Variants in OPLAH observed in about 807,000 individuals in gnomAD.
The protein encoded by OPLAH is 5-oxoprolinase.
Under a neutral mutation model 122.8 loss-of-function variants are expected in OPLAH, and 103 were observed. That is an observed-to-expected ratio of 0.84 (90% CI 0.71 to 0.99). The LOEUF is 0.99. OPLAH is among the 50% of genes least tolerant of loss of function. The probability of loss-of-function intolerance (pLI) is 0.00; values close to 1 mark genes in which losing one functional copy is unlikely to be tolerated. For synonymous variants in OPLAH, 875 were observed against 796.0 expected, an observed-to-expected ratio of 1.10 and a Z score of -1.67; for missense variants, 1,902 against 1,836.5, an observed-to-expected ratio of 1.04 and a Z score of -0.65.
intron 19 of OPLAH, 49 bp downstream of exon 19, chr8:144,054,512 C>G: frequency 6.6e-7 from 1 of 1,512,852 alleles, no homozygotes; most frequent in Non-Finnish European, 8.9e-7. Flanking sequence ...CCAGCAGTGG[C>G]CATGTGTCCC....
intron 26 of OPLAH, 72 bp downstream of exon 26, chr8:144,051,657 T>G: frequency 7.6e-7 from 1 of 1,314,040 alleles, no homozygotes; most frequent in Non-Finnish European, 1.1e-6. Context: ...GGTCTGCAAC[T>G]GTTCCCCCTC....
At chr8:144,050,907 G>C, downstream of OPLAH, 1 of 1,003,404 alleles carries the variant, frequency 1.0e-6, no homozygotes, top group Non-Finnish European at 1.2e-6. Flanking sequence ...GCGCGCGGAG[G>C]GGCCCTGGCC....
downstream of OPLAH, chr8:144,051,083 G>A (rs1835361686): frequency 7.4e-7 from 1 of 1,360,000 alleles, no homozygotes; most frequent in Non-Finnish European, 9.4e-7. Context: ...TGCGGCACTG[G>A]GACGACCCTC....
Position 144,058,369 on chromosome 8 carries a change from G to A in OPLAH, c.819C>T (p.Gly273=). The part of the protein sequence containing the change: ...VQVLFMRSDG[G]LAPMDTFSGS... ...CGCTGAAGGTGTCCATGGGCGCCAG[G>A]CCGCCATCGGAGCGCATGAACAACA... The change falls in exon 7 of 27, where the codon GGC becomes GGT. Residue 273 remains glycine, a synonymous_variant. Coordinates refer to ENST00000618853, the MANE Select transcript of OPLAH (RefSeq NM_017570.5). The A allele has an allele frequency of 1.9e-6, 3 of 1,593,760 alleles. No individual in the cohort carries two copies. The highest frequency in any genetic ancestry group is 8.5e-7 in the Non-Finnish European group (1 of 1,173,768).
chr8:144,056,095 G>A (rs986827730), intron 15 of OPLAH, 52 bp downstream of exon 15: 5 of 1,559,170 alleles, frequency 3.2e-6, no homozygotes, highest in Admixed American at 1.7e-5. Flanking sequence ...TGCACCAGGG[G>A]CCCCGCAGTG....
Position 144,054,808 on chromosome 8 carries a change from T to TCA in OPLAH, c.2511+2_2511+3dup. 1 of 1,612,124 alleles carries TCA rather than the reference T, an allele frequency of 6.2e-7. No homozygotes were observed. Among genetic ancestry groups the TCA allele is most frequent in the Non-Finnish European group, 8.5e-7 (1 of 1,179,772 alleles). On this transcript the variant is annotated splice_donor_region_variant and intron_variant, in intron 18 of 26. Coordinates refer to ENST00000618853, the MANE Select transcript of OPLAH (RefSeq NM_017570.5). The stretch of plus-strand genomic sequence containing the variant: ...AGCAGAGGCAGGCGGGCAGCACCCC[T>TCA]CACCGGTGTGATAACAGTCAGGTCT...
downstream of OPLAH, chr8:144,050,645 G>C (rs995665069): frequency 1.0e-6 from 1 of 985,182 alleles, no homozygotes; most frequent in East Asian, 1.1e-4. Context: ...CGCTTGGGGG[G>C]AGGGTACCCC....
chr8:144,052,768 G>C lies in OPLAH; in HGVS notation c.3151C>G (p.Gln1051Glu). ...CLVGRDIPLN[Q>E]GCLAPVRVVI... Reference sequence around the variant, plus strand: ...CTCGCGCACACACCCCTGCGAACCTGGTTGAGTGGGATGTCGCGGCCCACC... The same window carrying C: ...CTCGCGCACACACCCCTGCGAACCTCGTTGAGTGGGATGTCGCGGCCCACC... Residue 1051 changes from glutamine to glutamate, a missense_variant and splice_region_variant, in exon 22 of 27, where the codon CAG (glutamine) becomes GAG (glutamate). This residue lies in a region of OPLAH where 1,726 missense variants were observed against 1,642.1 expected (regional missense o/e 1.05). Coordinates refer to ENST00000618853, the MANE Select transcript of OPLAH (RefSeq NM_017570.5). 3 of 1,566,760 alleles carry C rather than the reference G, an allele frequency of 1.9e-6. No homozygotes were observed. The highest frequency in any genetic ancestry group is 1.4e-5 in the African/African-American group (1 of 73,714).
rs782039049 is a variant in OPLAH at position 144,054,979 on chromosome 8, G to A, written c.2409+50C>T. The A allele has an allele frequency of 5.6e-6, 6 of 1,065,468 alleles. No individual in the cohort carries two copies. The African/African-American group carries it at 6.8e-5, about 12-fold the overall frequency. The allele number at this position is 1,065,468 out of a possible 1,614,324, so 66.0% of individuals were successfully genotyped here. ...AGGGGCCAGAGCGGGGTGGGGGGGG[G>A]GTGGAGGGTGAGGGAGGGGGATGGA... On this transcript the variant is annotated intron_variant, in intron 17 of 26. Coordinates refer to ENST00000618853, the MANE Select transcript of OPLAH (RefSeq NM_017570.5).
rs782435583 is a variant in OPLAH at position 144,051,404 on chromosome 8, C to T, written c.3789G>A (p.Pro1263=). 42 of 1,510,488 alleles carry T rather than the reference C, an allele frequency of 2.8e-5. No individual in the cohort carries two copies. The highest frequency in any genetic ancestry group is 1.4e-5 in the Non-Finnish European group (16 of 1,121,284). 93.6% of individuals were successfully genotyped at this position (1,510,488 alleles called of 1,614,324 possible). The change falls in exon 27 of 27, where the codon CCG becomes CCA. Residue 1263 remains proline (P), a synonymous_variant. Transcript: ENST00000618853. ...YGDPEDPAPP[P]GSPPQALAFP... is the part of the protein sequence containing the mutation. ...AGGCCAGTGCTTGCGGGGGCGACCC[C>T]GGCGGTGGGGCGGGGTCCTCCGGGT...
intron 14 of OPLAH, 27 bp from the exon 15 acceptor site, chr8:144,056,286 G>A (rs782129929): frequency 1.1e-5 from 18 of 1,601,204 alleles, no homozygotes; most frequent in African/African-American, 2.7e-5. Context: ...TGAGTACAGC[G>A]CCCGGGCCCA....
chr8:144,050,357 A>G (rs1835344535), downstream of OPLAH: 6 of 970,482 alleles, frequency 6.2e-6, no homozygotes, highest in Non-Finnish European at 7.3e-6. Context: ...TGGGCCGAGA[A>G]GTTTGGGGCC....
Position 144,058,164 on chromosome 8 carries a change from T to C in OPLAH, c.950-16A>G, listed in dbSNP as rs1453143560. On this transcript the variant is annotated splice_polypyrimidine_tract_variant and intron_variant, in intron 7 of 26. Coordinates refer to ENST00000618853, the MANE Select transcript of OPLAH (RefSeq NM_017570.5). ...GTGGACGTGCCTGGCAGGGGTGGGG[T>C]GCTGGTGGGTCACTTGAAGACCCAG... 1 of 1,611,042 alleles carries C rather than the reference T, an allele frequency of 6.2e-7. No homozygotes were observed. The highest frequency in any genetic ancestry group is 1.3e-5 in the African/African-American group (1 of 74,686).
At chr8:144,059,104 GAGGCCC>G in intron 3 of OPLAH, 25 bp from the exon 4 acceptor site, 1 of 1,539,402 alleles carries the variant, frequency 6.5e-7, no homozygotes, top group Non-Finnish European at 8.8e-7. Context: ...AGACTCAGAA[GAGGCCC>G]AGGCCTGAGG....
In OPLAH at chr8:144,058,375, A is replaced by G. The variant is rs1554759977; in HGVS notation, c.813T>C (p.Asp271=). Residue 271 remains aspartate (D), a synonymous_variant, in exon 7 of 27, where the codon GAT becomes GAC. Coordinates refer to ENST00000618853, the MANE Select transcript of OPLAH (RefSeq NM_017570.5). ...KDVQVLFMRS[D]GGLAPMDTFS... ...AGGTGTCCATGGGCGCCAGGCCGCC[A>G]TCGGAGCGCATGAACAACACCTGCA... 1 of 1,592,664 alleles carries G rather than the reference A, an allele frequency of 6.3e-7. No homozygotes were observed. Among genetic ancestry groups the G allele is most frequent in the Non-Finnish European group, 8.5e-7 (1 of 1,173,730 alleles).
chr8:144,055,212 C>G lies in OPLAH; in HGVS notation c.2249-23G>C. ...GCTCTAGGAGCACAAAGTGACCAGG[C>G]CCGCTGGCCCCACCCACCCACAGCC... is the stretch of plus-strand genomic sequence containing the variant. On this transcript the variant is annotated intron_variant, in intron 16 of 26. Transcript: ENST00000618853. This position sits in a 1 kb window ranked among gnomAD's most constrained non-coding sequence, Gnocchi z 6.5. The G allele has an allele frequency of 6.7e-7, 1 of 1,493,028 alleles. No homozygotes were observed. The highest frequency in any genetic ancestry group is 2.4e-5 in the East Asian group (1 of 42,150). 92.5% of individuals were successfully genotyped at this position (1,493,028 alleles called of 1,614,324 possible).
downstream of OPLAH, chr8:144,050,633 C>T: frequency 4.1e-6 from 4 of 985,496 alleles, no homozygotes; most frequent in Non-Finnish European, 4.8e-6. Flanking sequence ...CCCTGGGTAT[C>T]GCGCTTGGGG....
chr8:144,057,294 A>T lies in OPLAH; in HGVS notation c.1449T>A (p.His483Gln). The T allele has an allele frequency of 6.2e-7, 1 of 1,612,318 alleles. No homozygotes were observed. The highest frequency in any genetic ancestry group is 8.5e-7 in the Non-Finnish European group (1 of 1,179,720). Residue 483 changes from histidine to glutamine, a missense_variant, in exon 11 of 27, where the codon CAT (histidine) becomes CAA (glutamine). Physicochemically the swap from His to Gln is conservative, Grantham distance 24. Around this residue, in one of 3 missense-constraint regions of OPLAH, gnomAD observed 1,726 missense variants for 1,642.1 expected, o/e 1.05. Coordinates refer to ENST00000618853, the MANE Select transcript of OPLAH (RefSeq NM_017570.5). The part of the protein sequence containing the change: ...TQARGHDPSA[H>Q]VLACFGGAGG... ...CAGCTCCCCCAAAGCAGGCCAGCACATGGGCTGAGGGGTCATGGCCTCTTG... is the reference window on the plus strand; with the variant it reads ...CAGCTCCCCCAAAGCAGGCCAGCACTTGGGCTGAGGGGTCATGGCCTCTTG...
chr8:144,052,417 GC>G, intron 23 of OPLAH, 31 bp downstream of exon 23: 2 of 1,523,608 alleles, frequency 1.3e-6, no homozygotes, highest in Non-Finnish European at 8.8e-7. Context: ...CACCCAGTCC[GC>G]CCCCGAGCTG....
Sources: allele counts gnomAD v4.1 joint callset, GRCh38; gene constraint gnomAD v4.1.1; regional missense constraint gnomAD v4.1.1; non-coding constraint Gnocchi (gnomAD v3.1); transcripts MANE v1.5; gene names NCBI Gene and HGNC (gene_info 2026-07-23, HGNC 2026-07-21).